Variants in MGAM2 observed in about 807,000 individuals in gnomAD.
MGAM2 encodes probable maltase-glucoamylase 2.
MGAM2 carries 98 observed loss-of-function variants against 96.1 expected under a neutral mutation model. The observed-to-expected ratio is 1.02, with a 90% CI of 0.87 to 1.21. The LOEUF (loss-of-function observed/expected upper bound fraction) is 1.21, where lower values mean the gene tolerates loss of function less well. Among genes scored for constraint, MGAM2 ranks in the 50% most tolerant of loss-of-function variants. The probability of loss-of-function intolerance (pLI) is 0.00; values close to 1 mark genes in which losing one functional copy is unlikely to be tolerated. For synonymous variants in MGAM2, 749 were observed against 414.8 expected (o/e 1.81, Z -9.79); for missense variants, 2,055 against 1,182.4 (o/e 1.74, Z -10.82).
intron 14 of MGAM2, among the ~76,000 whole-genome samples, chr7:142,146,142 G>GTTTTTTTTTT (rs71166565): frequency 1.8e-5 from 2 of 108,962 alleles, no homozygotes; most frequent in African/African-American, 7.0e-5. Flanking sequence ...AGTTTATCAT[G>GTTTTTTTTTT]TTTTTTTTTT....
intron 1 of MGAM2, among the ~76,000 whole-genome samples, chr7:142,112,218 G>T (rs1440007307): frequency 6.6e-6 from 1 of 152,078 alleles, no homozygotes. Context: ...GGGTTTCTAA[G>T]TAGGCAAGAA....
chr7:142,150,264 G>A (rs1795534604), intron 15 of MGAM2, among the ~76,000 whole-genome samples: 1 of 152,106 alleles, frequency 6.6e-6, no homozygotes, highest in African/African-American at 2.4e-5. Flanking sequence ...TCTGTATCTT[G>A]GTTGGTAGCA....
At position 142,164,953 on chromosome 7, in the gene MGAM2, C is replaced by A; in HGVS notation, c.2582C>A (p.Ala861Asp). The A allele has an allele frequency of 1.4e-6, 1 of 702,798 alleles. No individual in the cohort carries two copies. Among genetic ancestry groups the A allele is most frequent in the Non-Finnish European group, 2.6e-6 (1 of 384,904 alleles). 43.5% of individuals were successfully genotyped at this position (702,798 alleles called of 1,614,324 possible). The change falls in exon 24 of 48, where the codon GCT (alanine) becomes GAT (aspartate). Residue 861 changes from alanine (A) to aspartate (D), a missense_variant. By Grantham distance (126) the Ala-to-Asp change is moderately radical. Coordinates refer to ENST00000477922, the MANE Select transcript of MGAM2 (RefSeq NM_001293626.2). Reference protein sequence around the residue: ...ITILGMDKQPANFIVLLNNVA... With the variant: ...ITILGMDKQPDNFIVLLNNVA... ...ATCTTGGGAATGGACAAACAGCCAG[C>A]TAATTTTATCGTCCTACTGAATAAT...
chr7:142,143,996 T>C (rs1795313511), intron 13 of MGAM2, 114 bp downstream of exon 13: 2 of 599,506 alleles, frequency 3.3e-6, no homozygotes, highest in African/African-American at 3.7e-5. Context: ...TTGCTTTATG[T>C]AGTAGTATTC....
intron 31 of MGAM2, among the ~76,000 whole-genome samples, chr7:142,174,031 G>C (rs1189485103): frequency 1.3e-5 from 2 of 152,100 alleles, no homozygotes; most frequent in Admixed American, 6.5e-5. Flanking sequence ...ATTTGCCATT[G>C]ATTTATGTGT....
At chr7:142,214,936 C>A (rs1206726433) in intron 46 of MGAM2, among the ~76,000 whole-genome samples, 2 of 152,176 alleles carry the variant, frequency 1.3e-5, no homozygotes, top group Non-Finnish European at 2.9e-5. Flanking sequence ...TTTCACCCAG[C>A]AATCCCATTA....
chr7:142,213,859 TA>T (rs904354065), intron 46 of MGAM2, among the ~76,000 whole-genome samples: 1 of 151,906 alleles, frequency 6.6e-6, no homozygotes, highest in African/African-American at 2.4e-5. Flanking sequence ...AGAGACACAA[TA>T]AAAAAAGAAA....
At chr7:142,168,277 T>C (rs2129089038) in intron 26 of MGAM2, among the ~76,000 whole-genome samples, 1 of 151,946 alleles carries the variant, frequency 6.6e-6, no homozygotes, top group East Asian at 1.9e-4. Context: ...CTTTCTTTTT[T>C]TTTTTTTTTG....
chr7:142,154,915 G>T, intron 17 of MGAM2, 70 bp downstream of exon 17: 1 of 693,306 alleles, frequency 1.4e-6, no homozygotes, highest in South Asian at 1.5e-5. Context: ...AAGGGGATTT[G>T]AGGAAAATAG....
At chr7:142,116,681 G>A (rs1446241368) in intron 1 of MGAM2, among the ~76,000 whole-genome samples, 193 bp from the exon 2 acceptor site, 1 of 152,194 alleles carries the variant, frequency 6.6e-6, no homozygotes, top group African/African-American at 2.4e-5. Context: ...CTCTACAGGT[G>A]TTGGATGTAA....
chr7:142,190,134 A>G (rs935303977), intron 37 of MGAM2, among the ~76,000 whole-genome samples: 25 of 152,142 alleles, frequency 1.6e-4, no homozygotes, highest in African/African-American at 6.0e-4. Context: ...TTTATGTGCA[A>G]GATTTGGAGT....
At chr7:142,184,111 T>C (rs1248432930) in intron 33 of MGAM2, among the ~76,000 whole-genome samples, 1 of 151,786 alleles carries the variant, frequency 6.6e-6, no homozygotes, top group African/African-American at 2.4e-5. Flanking sequence ...TAGCTGGGAT[T>C]ACATGTGTGT....
chr7:142,114,206 GAAAGAA>G (rs1554499583), intron 1 of MGAM2, among the ~76,000 whole-genome samples: 1 of 139,688 alleles, frequency 7.2e-6, no homozygotes, highest in Non-Finnish European at 1.5e-5. Flanking sequence ...AAGAAAGAAA[GAAAGAA>G]AGAGAGAAAG....
chr7:142,142,850 TG>T (rs1171283598), intron 12 of MGAM2, among the ~76,000 whole-genome samples: 9 of 152,220 alleles, frequency 5.9e-5, no homozygotes, highest in Admixed American at 5.9e-4. Flanking sequence ...GCCAGTCCAG[TG>T]GTTTGTTTTA....
At chr7:142,209,570 G>C (rs1797515061) in intron 46 of MGAM2, among the ~76,000 whole-genome samples, 1 of 152,170 alleles carries the variant, frequency 6.6e-6, no homozygotes, top group Non-Finnish European at 1.5e-5. Flanking sequence ...TAACCAAGAA[G>C]TAATATAGCA....
In MGAM2 at chr7:142,168,572, G is replaced by A. The variant is rs183309533; in HGVS notation, c.3027+1086G>A. Among the ~76,000 whole-genome samples, 422 of 152,158 alleles carry A rather than the reference G, an allele frequency of 2.8e-3. 1 individual carries two copies. Among genetic ancestry groups the A allele is most frequent in the African/African-American group, 9.6e-3 (400 of 41,518 alleles). On this transcript the variant is annotated intron_variant, in intron 26 of 47. Coordinates refer to ENST00000477922, the MANE Select transcript of MGAM2 (RefSeq NM_001293626.2). ...GGCGTGAGCCACCACGCCCGGCCTCGAGAATCTGCATTTCTAACAAGCTCC... is the reference window on the plus strand; with the variant it reads ...GGCGTGAGCCACCACGCCCGGCCTCAAGAATCTGCATTTCTAACAAGCTCC...
At chr7:142,183,238 T>C in intron 32 of MGAM2, 28 bp from the exon 33 acceptor site, 3 of 695,124 alleles carry the variant, frequency 4.3e-6, no homozygotes, top group South Asian at 1.5e-5. Flanking sequence ...TTTCCTCACA[T>C]TTGCTGTTTG....
chr7:142,162,136 A>C (rs997429267), intron 23 of MGAM2, 132 bp downstream of exon 23: 5 of 493,252 alleles, frequency 1.0e-5, no homozygotes, highest in African/African-American at 2.0e-5. Context: ...CCAAAAAGGA[A>C]TCAAATGAAC....
At chr7:142,132,587 C>A (rs573894083) in intron 6 of MGAM2, among the ~76,000 whole-genome samples, 110 of 126,036 alleles carry the variant, frequency 8.7e-4, no homozygotes, top group African/African-American at 2.8e-3. Flanking sequence ...ATTTAATCAA[C>A]TATATAATTT....
Sources: allele counts gnomAD v4.1 joint callset (sites outside exome capture counted in the v4.1 genomes callset), GRCh38; gene constraint gnomAD v4.1.1; transcripts MANE v1.5; gene names NCBI Gene and HGNC (gene_info 2026-07-23, HGNC 2026-07-21).